BICC1: variants seen among roughly 807,000 people sequenced by gnomAD.
BICC1 encodes the protein protein bicaudal C homolog 1.
Under a neutral mutation model 111.0 loss-of-function variants are expected in BICC1, and 43 were observed. The ratio of observed to expected loss-of-function variants is 0.39; its 90% confidence interval spans 0.30 to 0.50. The LOEUF is 0.50. BICC1 is among the 20% of genes least tolerant of loss of function. The probability of loss-of-function intolerance (pLI) is 0.88; values close to 1 mark genes in which losing one functional copy is unlikely to be tolerated. For synonymous variants in BICC1, 467 were observed against 434.4 expected (o/e 1.07, Z -0.93); for missense variants, 1,091 against 1,203.2 (o/e 0.91, Z 1.38).
At chr10:58,777,501 G>A (rs959611781) in intron 3 of BICC1, among the ~76,000 whole-genome samples, 1 of 151,912 alleles carries the variant, frequency 6.6e-6, no homozygotes, top group Non-Finnish European at 1.5e-5. Context: ...CCATTCACAG[G>A]CTCCACCTTG....
At chr10:58,595,872 A>T (rs1844796281) in intron 1 of BICC1, among the ~76,000 whole-genome samples, 1 of 152,204 alleles carries the variant, frequency 6.6e-6, no homozygotes, top group Non-Finnish European at 1.5e-5. Flanking sequence ...TCAGAGCAAA[A>T]CTGAAGGATA....
At chr10:58,581,917 T>A (rs544753311) in intron 1 of BICC1, among the ~76,000 whole-genome samples, 1 of 152,258 alleles carries the variant, frequency 6.6e-6, no homozygotes, top group Middle Eastern at 3.4e-3. Context: ...TCCTCCCCCA[T>A]GTTACGATAA....
intron 2 of BICC1, among the ~76,000 whole-genome samples, chr10:58,633,346 T>C (rs1490487248): frequency 6.6e-6 from 1 of 152,254 alleles, no homozygotes. Flanking sequence ...AATTGTCTAC[T>C]CAAAGAGGAT....
At chr10:58,631,317 C>G (rs907152583) in intron 2 of BICC1, among the ~76,000 whole-genome samples, 1 of 152,106 alleles carries the variant, frequency 6.6e-6, no homozygotes, top group African/African-American at 2.4e-5. Flanking sequence ...ATTAAATATC[C>G]TAGTGTTACT....
chr10:58,626,125 A>G (rs1845984805), intron 2 of BICC1, among the ~76,000 whole-genome samples: 1 of 152,212 alleles, frequency 6.6e-6, no homozygotes, highest in African/African-American at 2.4e-5. Flanking sequence ...ATAAAAGGGT[A>G]TGCAGTGAAG....
chr10:58,668,011 G>A (rs965530720), intron 2 of BICC1, among the ~76,000 whole-genome samples: 3 of 152,014 alleles, frequency 2.0e-5, no homozygotes, highest in Non-Finnish European at 2.9e-5. Flanking sequence ...TTGGCTTACT[G>A]TAAATTTTTT....
At chr10:58,798,172 A>G (rs982522737) in intron 10 of BICC1, among the ~76,000 whole-genome samples, 2 of 152,142 alleles carry the variant, frequency 1.3e-5, no homozygotes, top group African/African-American at 4.8e-5. Context: ...GGGCACACCT[A>G]TCTTCCATTT....
chr10:58,555,086 T>C (rs1435415655), intron 1 of BICC1, among the ~76,000 whole-genome samples: 3 of 151,880 alleles, frequency 2.0e-5, no homozygotes, highest in Non-Finnish European at 4.4e-5. Context: ...ACTCACATAG[T>C]GGGGAGAGTA....
At chr10:58,650,691 T>C (rs1426366239) in intron 2 of BICC1, 1 of 152,194 alleles carries the variant, frequency 6.6e-6, no homozygotes, top group African/African-American at 2.4e-5. Flanking sequence ...TTTACTGAAA[T>C]AGCTTATTTT....
At chr10:58,605,218 C>T (rs1039784129) in intron 1 of BICC1, among the ~76,000 whole-genome samples, 3 of 152,096 alleles carry the variant, frequency 2.0e-5, no homozygotes, top group Non-Finnish European at 2.9e-5. Flanking sequence ...GTAATATATA[C>T]GCATAGTTTA....
intron 18 of BICC1, among the ~76,000 whole-genome samples, chr10:58,817,203 T>C (rs552264467): frequency 1.3e-5 from 2 of 152,250 alleles, no homozygotes; most frequent in African/African-American, 4.8e-5. Context: ...CTTTATTTTG[T>C]CCCAGGGATC....
intron 1 of BICC1, among the ~76,000 whole-genome samples, chr10:58,611,355 A>G (rs1564512317): frequency 6.6e-6 from 1 of 152,238 alleles, no homozygotes. Flanking sequence ...TCTTTTTTCT[A>G]ACACATTCAC....
chr10:58,562,461 T>G (rs902042461), intron 1 of BICC1, among the ~76,000 whole-genome samples: 19 of 152,074 alleles, frequency 1.2e-4, no homozygotes, highest in African/African-American at 4.6e-4. Context: ...TCAATATTTC[T>G]GTTTTGTTCT....
chr10:58,565,033 T>C (rs1163447229), intron 1 of BICC1, among the ~76,000 whole-genome samples: 1 of 152,186 alleles, frequency 6.6e-6, no homozygotes, highest in African/African-American at 2.4e-5. Context: ...GAGAAACTTT[T>C]ATTGTAAGCC....
At chr10:58,622,422 TCTCA>T (rs1456328847) in intron 2 of BICC1, among the ~76,000 whole-genome samples, 1 of 152,212 alleles carries the variant, frequency 6.6e-6, no homozygotes. Flanking sequence ...TCCTAATATT[TCTCA>T]CTGTTTGCAG....
intron 2 of BICC1, among the ~76,000 whole-genome samples, chr10:58,637,552 C>T (rs1307321768): frequency 2.6e-5 from 4 of 152,236 alleles, no homozygotes; most frequent in Admixed American, 6.5e-5. Context: ...TCCCTCCTCA[C>T]GCACGCTTTG....
At chr10:58,634,374 G>A (rs1302612240) in intron 2 of BICC1, among the ~76,000 whole-genome samples, 1 of 152,134 alleles carries the variant, frequency 6.6e-6, no homozygotes, top group African/African-American at 2.4e-5. Context: ...AGCCATTTTA[G>A]TGATAGTAAA....
At position 58,830,665 on chromosome 10, in the gene BICC1, A is replaced by C. The variant is rs1045369141; in HGVS notation, c.*1774A>C. ...TGAAGGCATAGATAATGGGCCTGTC[A>C]TAAAATTATCAATTATAACTGGCAC... On this transcript the variant is annotated 3_prime_UTR_variant, in exon 21 of 21. Coordinates refer to ENST00000373886, the MANE Select transcript of BICC1 (RefSeq NM_001080512.3). 6.6e-6 allele frequency: 1 copy of C among 152,202 alleles called. No individual in the cohort carries two copies. Among genetic ancestry groups the C allele is most frequent in the African/African-American group, 2.4e-5 (1 of 41,460 alleles). 9.4% of individuals were successfully genotyped at this position (152,202 alleles called of 1,614,324 possible). A position where few individuals can be genotyped will look rare whatever the true frequency, so the allele number is the denominator to read the frequency against.
At chr10:58,717,787 T>G (rs1202607549) in intron 3 of BICC1, among the ~76,000 whole-genome samples, 1 of 152,186 alleles carries the variant, frequency 6.6e-6, no homozygotes, top group Non-Finnish European at 1.5e-5. Flanking sequence ...TGAGTAACTT[T>G]AATATTTTTT....
Sources: allele counts gnomAD v4.1 joint callset (sites outside exome capture counted in the v4.1 genomes callset), GRCh38; gene constraint gnomAD v4.1.1; transcripts MANE v1.5; gene names NCBI Gene and HGNC (gene_info 2026-07-23, HGNC 2026-07-21).